DAB2IP: variants seen among roughly 807,000 people sequenced by gnomAD.
The protein encoded by DAB2IP is DAB2 interacting protein.
Under a neutral mutation model 107.2 loss-of-function variants are expected in DAB2IP, and 28 were observed. The observed-to-expected ratio is 0.26, with a 90% CI of 0.19 to 0.36. DAB2IP has a LOEUF of 0.36. DAB2IP is among the 10% of genes least tolerant of loss of function. DAB2IP has a pLI of 1.00. For missense variants in DAB2IP, 1,400 were observed against 1,644.7 expected (o/e 0.85, Z 2.57); for synonymous variants, 755 against 706.4 (o/e 1.07, Z -1.09).
intron 3 of DAB2IP, chr9:121,751,812 TG>T: frequency 2.1e-6 from 1 of 480,794 alleles, no homozygotes. Flanking sequence ...AGAAGGCCAG[TG>T]GAACTCCCAT....
chr9:121,763,660 G>A lies in DAB2IP; in HGVS notation c.1315+11G>A. The A allele has an allele frequency of 6.2e-7, 1 of 1,612,624 alleles. No individual in the cohort carries two copies. The highest frequency in any genetic ancestry group is 8.5e-7 in the Non-Finnish European group (1 of 1,179,280). ...TGCAGGACGCCCTAGGTAGGGAGTGGGCCAGCAGCAGGGCAGAGGGTGGGG... is the reference window on the plus strand; with the variant it reads ...TGCAGGACGCCCTAGGTAGGGAGTGAGCCAGCAGCAGGGCAGAGGGTGGGG... On this transcript the variant is annotated intron_variant, in intron 7 of 15. Coordinates refer to ENST00000408936, the Ensembl canonical transcript of DAB2IP.
chr9:121,783,209 G>A (rs908351471), exon 16 of DAB2IP: 14 of 1,140,336 alleles, frequency 1.2e-5, no homozygotes, highest in Admixed American at 7.6e-5. Context: ...GATAGACCCA[G>A]TGAGGGCCAT....
intron 3 of DAB2IP, among the ~76,000 whole-genome samples, chr9:121,746,274 A>G (rs2118915648): frequency 6.6e-6 from 1 of 152,296 alleles, no homozygotes; most frequent in East Asian, 1.9e-4. Flanking sequence ...CTGGTTACTG[A>G]GGCTGTGTAT....
chr9:121,743,023 C>A, intron 3 of DAB2IP: 1 of 981,400 alleles, frequency 1.0e-6, no homozygotes, highest in Non-Finnish European at 1.2e-6. Flanking sequence ...ATGGAGCAGT[C>A]AGGGCCTCGT....
intron 8 of DAB2IP, among the ~76,000 whole-genome samples, chr9:121,764,581 T>TGC (rs1834130690): frequency 6.6e-6 from 1 of 152,142 alleles, no homozygotes; most frequent in Admixed American, 6.5e-5. Flanking sequence ...CACAGGACTG[T>TGC]GCGGGAGGGC....
At chr9:121,601,331 C>A (rs2118953299) in intron 1 of DAB2IP, among the ~76,000 whole-genome samples, 1 of 152,300 alleles carries the variant, frequency 6.6e-6, no homozygotes, top group Non-Finnish European at 1.5e-5. Context: ...GGTGCTGTGT[C>A]CCCACTTGGT....
intron 11 of DAB2IP, 78 bp downstream of exon 11, chr9:121,770,802 G>T: frequency 6.5e-7 from 1 of 1,534,662 alleles, no homozygotes; most frequent in Non-Finnish European, 8.9e-7. Flanking sequence ...CTCAGATGGG[G>T]AAAGAGGATG....
intron 5 of DAB2IP, 55 bp downstream of exon 5, chr9:121,759,051 GGAGGAAACAAGAGAGA>G: frequency 6.5e-7 from 1 of 1,537,360 alleles, no homozygotes; most frequent in Non-Finnish European, 8.9e-7. Flanking sequence ...GGCTCAGATA[GGAGGAAACAAGAGAGA>G]CTATCTCTGT....
intron 1 of DAB2IP, among the ~76,000 whole-genome samples, chr9:121,627,135 A>T (rs1216584061): frequency 1.3e-3 from 31 of 24,712 alleles, no homozygotes; most frequent in Non-Finnish European, 3.1e-3. Context: ...ACACACACAC[A>T]CACACTCACA....
chr9:121,570,073 C>T (rs10985321), intron 1 of DAB2IP, among the ~76,000 whole-genome samples: 8 of 146,390 alleles, frequency 5.5e-5, no homozygotes, highest in Admixed American at 4.1e-4. Flanking sequence ...GGATTCTAGG[C>T]GTGAGCCACA....
chr9:121,776,541 G>A lies in DAB2IP; in HGVS notation c.3314+150G>A, dbSNP rs982537477. 28 of 966,238 alleles carry A rather than the reference G, an allele frequency of 2.9e-5. No homozygotes were observed. The highest frequency in any genetic ancestry group is 5.9e-5 in the Admixed American group (2 of 33,822). 59.9% of individuals were successfully genotyped at this position (966,238 alleles called of 1,614,324 possible). A position where few individuals can be genotyped will look rare whatever the true frequency, so the allele number is the denominator to read the frequency against. ...AGAGTGTCTGGGCAGTGGGAGCAGC[G>A]TGAGCACAGGCCTGGAGGCAGGAGG... On this transcript the variant is annotated intron_variant, in intron 14 of 15. Coordinates refer to ENST00000408936, the Ensembl canonical transcript of DAB2IP. The surrounding 1 kb of genome is among the most constrained non-coding windows in gnomAD (Gnocchi z 5.4).
intron 2 of DAB2IP, among the ~76,000 whole-genome samples, chr9:121,690,735 TC>T (rs1285703994): frequency 6.6e-6 from 1 of 152,128 alleles, no homozygotes; most frequent in Non-Finnish European, 1.5e-5. Context: ...TGGGCTCCCC[TC>T]TTTTTCCTCC....
chr9:121,736,448 G>C lies in DAB2IP; in HGVS notation c.363-20565G>C, dbSNP rs536465547. Among the ~76,000 whole-genome samples, 1 of 152,146 alleles carries C rather than the reference G, an allele frequency of 6.6e-6. No homozygotes were observed. Among genetic ancestry groups the C allele is most frequent in the African/African-American group, 2.4e-5 (1 of 41,444 alleles). ...GCCCGGCGTGCCGAAGCGCAGCGGCGGGTCGCTAGCGGGAAGTGGCTGCAG... is the reference window on the plus strand; with the variant it reads ...GCCCGGCGTGCCGAAGCGCAGCGGCCGGTCGCTAGCGGGAAGTGGCTGCAG... On this transcript the variant is annotated intron_variant, in intron 3 of 15. Coordinates refer to ENST00000408936, the Ensembl canonical transcript of DAB2IP. The surrounding 1 kb of genome is among the most constrained non-coding windows in gnomAD (Gnocchi z 4.6).
intron 1 of DAB2IP, among the ~76,000 whole-genome samples, chr9:121,674,522 C>T (rs577220219): frequency 1.8e-4 from 27 of 152,266 alleles, no homozygotes; most frequent in Non-Finnish European, 2.8e-4. Flanking sequence ...GGGATCCTTG[C>T]GGCCTTCCTA....
At chr9:121,742,799 C>T (rs541972429) in intron 3 of DAB2IP, 9 of 985,538 alleles carry the variant, frequency 9.1e-6, no homozygotes, top group Non-Finnish European at 1.1e-5. Flanking sequence ...CCTCTTCTTT[C>T]GTGTTGTGTC....
chr9:121,585,064 C>T (rs1198597555), intron 1 of DAB2IP, among the ~76,000 whole-genome samples: 1 of 152,050 alleles, frequency 6.6e-6, no homozygotes, highest in Non-Finnish European at 1.5e-5. Context: ...GCCACTGTGC[C>T]CAGCAGCACT....
intron 3 of DAB2IP, among the ~76,000 whole-genome samples, chr9:121,748,449 C>T (rs1242226672): frequency 1.3e-5 from 2 of 152,246 alleles, no homozygotes; most frequent in East Asian, 1.9e-4. Flanking sequence ...CACTCCCTGT[C>T]TCTAAGCCTC....
chr9:121,739,391 A>G (rs1032118189), intron 3 of DAB2IP, among the ~76,000 whole-genome samples: 1 of 152,198 alleles, frequency 6.6e-6, no homozygotes, highest in Non-Finnish European at 1.5e-5. Context: ...AGCAGTTCAG[A>G]TTTATTCAGT....
exon 1 of DAB2IP, chr9:121,567,186 G>T: frequency 1.2e-6 from 2 of 1,614,016 alleles, no homozygotes; most frequent in Non-Finnish European, 1.7e-6. Flanking sequence ...GGGCCCACAC[G>T]CCATGGAGCC....
Sources: allele counts gnomAD v4.1 joint callset (sites outside exome capture counted in the v4.1 genomes callset), GRCh38; gene constraint gnomAD v4.1.1; non-coding constraint Gnocchi (gnomAD v3.1); transcripts MANE v1.5; gene names NCBI Gene and HGNC (gene_info 2026-07-23, HGNC 2026-07-21).